TBC1D22A: variants seen among roughly 807,000 people sequenced by gnomAD.
TBC1D22A encodes the protein putative GTPase activator.
In TBC1D22A, 38 loss-of-function variants were observed where a neutral mutation model predicts 60.2. The ratio of observed to expected loss-of-function variants is 0.63; its 90% CI spans 0.49 to 0.83. TBC1D22A has a LOEUF of 0.83. Ranked by LOEUF, TBC1D22A falls within the 40% of genes least tolerant of loss-of-function variation. The pLI, the probability that TBC1D22A is intolerant of heterozygous loss-of-function variation, is 0.00. For missense variants in TBC1D22A, 628 were observed against 701.0 expected, an observed-to-expected ratio of 0.90 and a Z score of 1.18; for synonymous variants, 302 against 281.7, an observed-to-expected ratio of 1.07 and a Z score of -0.72.
chr22:46,929,633 CAT>C (rs538286252), intron 8 of TBC1D22A, among the ~76,000 whole-genome samples: 1 of 152,164 alleles, frequency 6.6e-6, no homozygotes, highest in African/African-American at 2.4e-5. Flanking sequence ...CCAGTACTGA[CAT>C]GTGAGTTTTC....
intron 8 of TBC1D22A, among the ~76,000 whole-genome samples, chr22:46,954,055 G>A (rs1438268900): frequency 1.3e-5 from 2 of 152,130 alleles, no homozygotes; most frequent in Admixed American, 6.5e-5. Flanking sequence ...TCAGAAGGTC[G>A]AGGATCAGGT....
intron 11 of TBC1D22A, among the ~76,000 whole-genome samples, chr22:47,059,925 A>G (rs544671378): frequency 3.9e-5 from 6 of 152,320 alleles, no homozygotes; most frequent in African/African-American, 1.4e-4. Context: ...GATGAGCTCC[A>G]GGCCAAGCTT....
intron 4 of TBC1D22A, among the ~76,000 whole-genome samples, chr22:46,825,244 G>A (rs1393726221): frequency 6.6e-6 from 1 of 152,018 alleles, no homozygotes; most frequent in Non-Finnish European, 1.5e-5. Context: ...TTGCCACCAG[G>A]AATTTCTTAG....
At chr22:47,092,246 C>T (rs2065005939) in intron 11 of TBC1D22A, among the ~76,000 whole-genome samples, 1 of 152,288 alleles carries the variant, frequency 6.6e-6, no homozygotes, top group East Asian at 1.9e-4. Flanking sequence ...TAGAGGGATG[C>T]ACTGTGCGTG....
chr22:47,112,967 T>C (rs1214732543), intron 12 of TBC1D22A, among the ~76,000 whole-genome samples: 1 of 152,198 alleles, frequency 6.6e-6, no homozygotes, highest in African/African-American at 2.4e-5. Flanking sequence ...GGGCCATGAC[T>C]TGCTGTGTCA....
chr22:47,026,838 A>T (rs1282089248), intron 10 of TBC1D22A, among the ~76,000 whole-genome samples: 1 of 152,230 alleles, frequency 6.6e-6, no homozygotes, highest in African/African-American at 2.4e-5. Context: ...ATTCTACTCA[A>T]TTGCAATCAA....
At chr22:47,053,221 T>TGCCACTTTCTGCCTCCTCC (rs2063285316) in intron 11 of TBC1D22A, among the ~76,000 whole-genome samples, 1 of 152,188 alleles carries the variant, frequency 6.6e-6, no homozygotes, top group African/African-American at 2.4e-5. Flanking sequence ...AGGGCTCCTC[T>TGCCACTTTCTGCCTCCTCC]GCCACTTTCT....
chr22:46,963,347 A>C (rs945021542), intron 8 of TBC1D22A, among the ~76,000 whole-genome samples: 3 of 152,168 alleles, frequency 2.0e-5, no homozygotes, highest in Non-Finnish European at 2.9e-5. Context: ...CGCAGTGCTC[A>C]TCACACTGCC....
At chr22:47,000,063 TAGG>T (rs967409890) in intron 10 of TBC1D22A, among the ~76,000 whole-genome samples, 5 of 152,202 alleles carry the variant, frequency 3.3e-5, no homozygotes, top group Admixed American at 2.0e-4. Flanking sequence ...TTCTGCGTTT[TAGG>T]AGAAGGACAG....
intron 10 of TBC1D22A, among the ~76,000 whole-genome samples, chr22:46,999,573 A>C (rs2075240474): frequency 6.6e-6 from 1 of 152,140 alleles, no homozygotes; most frequent in African/African-American, 2.4e-5. Flanking sequence ...AACTTGGGAG[A>C]AGCATCTGCA....
intron 11 of TBC1D22A, among the ~76,000 whole-genome samples, chr22:47,100,099 CA>C: frequency 6.6e-6 from 1 of 152,194 alleles, no homozygotes; most frequent in African/African-American, 2.4e-5. Flanking sequence ...GGCTGAAACC[CA>C]GCTGGGTGGC....
At chr22:46,797,680 T>C in intron 4 of TBC1D22A, 60 bp downstream of exon 4, 3 of 1,496,904 alleles carry the variant, frequency 2.0e-6, no homozygotes, top group Non-Finnish European at 2.7e-6. Context: ...CTGAAATAGA[T>C]CACATCTTAA....
intron 1 of TBC1D22A, among the ~76,000 whole-genome samples, chr22:46,779,245 G>T (rs1601827921): frequency 6.6e-6 from 1 of 152,166 alleles, no homozygotes; most frequent in Non-Finnish European, 1.5e-5. Context: ...TGTAACTTTG[G>T]CTGTGACATC....
intron 8 of TBC1D22A, among the ~76,000 whole-genome samples, chr22:46,927,229 G>A (rs1261935909): frequency 1.3e-5 from 2 of 152,174 alleles, no homozygotes; most frequent in Admixed American, 6.5e-5. Flanking sequence ...ACTAAATCTA[G>A]CAACGTATTG....
At chr22:47,001,635 C>T (rs900093672) in intron 10 of TBC1D22A, among the ~76,000 whole-genome samples, 3 of 151,898 alleles carry the variant, frequency 2.0e-5, no homozygotes, top group African/African-American at 7.3e-5. Context: ...CTAGTGCTGC[C>T]GAGCTCCACA....
At position 46,764,753 on chromosome 22, in the gene TBC1D22A, A is replaced by G. The variant is rs116460254; in HGVS notation, c.62+1905A>G. 8.6e-3 allele frequency among the ~76,000 whole-genome samples: 1,310 copies of G among 152,324 alleles called. 26 individuals are homozygous for G. Among genetic ancestry groups the G allele is most frequent in the African/African-American group, 0.03 (1,248 of 41,568 alleles). On this transcript the variant is annotated intron_variant, in intron 1 of 12. Transcript: ENST00000337137. The stretch of plus-strand genomic sequence containing the variant: ...GGGAAATGGCCCTATGGAGACAGAA[A>G]CAGAGATTGGAATAGTACATTTACA...
intron 8 of TBC1D22A, among the ~76,000 whole-genome samples, chr22:46,966,492 G>T (rs1353638426): frequency 6.6e-6 from 1 of 152,164 alleles, no homozygotes; most frequent in Admixed American, 6.5e-5. Context: ...TTTGATATTT[G>T]TTAATAGAAG....
chr22:47,043,224 T>C (rs527616806), intron 11 of TBC1D22A, among the ~76,000 whole-genome samples: 2 of 151,674 alleles, frequency 1.3e-5, no homozygotes, highest in Non-Finnish European at 2.9e-5. Context: ...TGGCAGGGGG[T>C]CCTGAATTGA....
chr22:47,061,090 C>T (rs1287057395), intron 11 of TBC1D22A, among the ~76,000 whole-genome samples: 1 of 151,502 alleles, frequency 6.6e-6, no homozygotes, highest in Non-Finnish European at 1.5e-5. Flanking sequence ...AAAGGTTGAG[C>T]CACGCTGTCT....
Sources: allele counts gnomAD v4.1 joint callset (sites outside exome capture counted in the v4.1 genomes callset), GRCh38; gene constraint gnomAD v4.1.1; transcripts MANE v1.5; gene names NCBI Gene and HGNC (gene_info 2026-07-23, HGNC 2026-07-21).